Variants in SPATA17 observed in about 807,000 individuals in gnomAD.
The protein encoded by SPATA17 is spermatogenesis associated 17.
In SPATA17, 53 loss-of-function variants were observed where a neutral mutation model predicts 62.2. The ratio of observed to expected loss-of-function variants is 0.85; its 90% confidence interval spans 0.68 to 1.07. The LOEUF (loss-of-function observed/expected upper bound fraction) is 1.07, where lower values mean the gene tolerates loss of function less well. Among genes scored for constraint, SPATA17 ranks in the 50% least tolerant of loss-of-function variants. SPATA17 has a pLI of 0.00. For synonymous variants in SPATA17, 146 were observed against 146.8 expected, an observed-to-expected ratio of 0.99 and a Z score of 0.04; for missense variants, 466 against 425.5, an observed-to-expected ratio of 1.10 and a Z score of -0.84.
chr1:217,720,186 T>C (rs1265194874), intron 5 of SPATA17, among the ~76,000 whole-genome samples: 1 of 152,154 alleles, frequency 6.6e-6, no homozygotes, highest in African/African-American at 2.4e-5. Flanking sequence ...AAAGGTAAAA[T>C]GTTACAGATC....
At chr1:217,807,896 A>T in intron 9 of SPATA17, among the ~76,000 whole-genome samples, 1 of 152,162 alleles carries the variant, frequency 6.6e-6, no homozygotes, top group East Asian at 1.9e-4. Context: ...TCCCTCATAC[A>T]TTCTTAGTTG....
chr1:217,685,125 G>T (rs1671189095), intron 5 of SPATA17, among the ~76,000 whole-genome samples: 1 of 152,138 alleles, frequency 6.6e-6, no homozygotes, highest in Non-Finnish European at 1.5e-5. Flanking sequence ...AGAAATACGT[G>T]CAGGGCTGGA....
intron 1 of SPATA17, among the ~76,000 whole-genome samples, chr1:217,640,006 C>T (rs1205599786): frequency 6.6e-6 from 1 of 151,504 alleles, no homozygotes; most frequent in East Asian, 1.9e-4. Flanking sequence ...CTTTAGCAAT[C>T]TGAGTTGTTC....
intron 4 of SPATA17, among the ~76,000 whole-genome samples, chr1:217,681,919 C>T (rs1309636094): frequency 7.3e-5 from 11 of 151,520 alleles, no homozygotes; most frequent in Middle Eastern, 3.2e-3. Context: ...CTCCATATTT[C>T]CCTTTCCTAT....
chr1:217,722,558 C>CT (rs1302841250), intron 5 of SPATA17, among the ~76,000 whole-genome samples: 7 of 152,080 alleles, frequency 4.6e-5, no homozygotes, highest in African/African-American at 1.7e-4. Context: ...AGAGAATAAC[C>CT]TTTAATATGT....
intron 6 of SPATA17, among the ~76,000 whole-genome samples, chr1:217,752,831 C>T (rs1026817302): frequency 2.0e-5 from 3 of 152,174 alleles, no homozygotes; most frequent in African/African-American, 7.2e-5. Context: ...AATGAAGCCC[C>T]TGGCCCTGCT....
At position 217,862,861 on chromosome 1, in the gene SPATA17, G is replaced by T. The variant is rs1298635420; in HGVS notation, c.*2+5G>T. 1.3e-6 allele frequency: 2 copies of T among 1,564,684 alleles called. No homozygotes were observed. The highest frequency in any genetic ancestry group is 1.2e-5 in the South Asian group (1 of 83,884). Reference sequence around the variant, plus strand: ...AGCTGGACAGATTGTATAAAGGTATGACTTTTTGCTAAGAAGTAATTCAAA... The same window carrying T: ...AGCTGGACAGATTGTATAAAGGTATTACTTTTTGCTAAGAAGTAATTCAAA... On this transcript the variant is annotated splice_donor_5th_base_variant and intron_variant, in intron 10 of 10. Coordinates refer to ENST00000366933, the MANE Select transcript of SPATA17 (RefSeq NM_138796.4).
chr1:217,652,530 G>T (rs143482143), intron 3 of SPATA17, among the ~76,000 whole-genome samples: 7 of 151,926 alleles, frequency 4.6e-5, no homozygotes, highest in African/African-American at 1.7e-4. Flanking sequence ...CACCACGCCC[G>T]GCCAAACTTT....
intron 9 of SPATA17, among the ~76,000 whole-genome samples, chr1:217,831,138 A>C (rs1479128785): frequency 6.6e-6 from 1 of 152,110 alleles, no homozygotes; most frequent in Non-Finnish European, 1.5e-5. Flanking sequence ...ATGATGATCT[A>C]GGGCTTTGAA....
chr1:217,704,354 CA>C (rs1052833078), intron 5 of SPATA17, among the ~76,000 whole-genome samples: 1 of 148,170 alleles, frequency 6.7e-6, no homozygotes, highest in African/African-American at 2.5e-5. Context: ...GGGTTCACGC[CA>C]TTCTCCTGCC....
chr1:217,749,983 C>CTA lies in SPATA17; in HGVS notation c.519+7886_519+7887insAT, dbSNP rs1387385689. ...TCTCTCTCTCTCTCTCTCTCTCTCT[C>CTA]TCTATATATATATATATATATATAT... On this transcript the variant is annotated intron_variant, in intron 6 of 10. Coordinates refer to ENST00000366933, the MANE Select transcript of SPATA17 (RefSeq NM_138796.4). Among the ~76,000 whole-genome samples, 153 of 24,038 alleles carry CTA rather than the reference C, an allele frequency of 6.4e-3. 2 individuals are homozygous for CTA. Among genetic ancestry groups the CTA allele is most frequent in the Non-Finnish European group, 8.3e-3 (101 of 12,104 alleles). The allele number at this position is 24,038 out of a possible 152,430, so 15.8% of individuals were successfully genotyped here. A position where few individuals can be genotyped will look rare whatever the true frequency, so the allele number is the denominator to read the frequency against.
intron 3 of SPATA17, among the ~76,000 whole-genome samples, chr1:217,667,000 T>C (rs1670710035): frequency 6.6e-6 from 1 of 151,758 alleles, no homozygotes; most frequent in Admixed American, 6.6e-5. Flanking sequence ...TGTTAGTTCA[T>C]AATAAAATTG....
intron 1 of SPATA17, among the ~76,000 whole-genome samples, chr1:217,642,543 A>G (rs1670088183): frequency 1.3e-5 from 2 of 152,214 alleles, no homozygotes; most frequent in Admixed American, 6.5e-5. Flanking sequence ...TGTCCCCACC[A>G]GATCTCATCT....
At chr1:217,757,153 G>T (rs188116269) in intron 6 of SPATA17, among the ~76,000 whole-genome samples, 300 of 152,248 alleles carry the variant, frequency 2.0e-3, no homozygotes, top group Non-Finnish European at 3.5e-3. Context: ...TAATCAGGGT[G>T]GAAACTTGGC....
At chr1:217,816,139 A>G (rs1166598523) in intron 9 of SPATA17, among the ~76,000 whole-genome samples, 1 of 152,090 alleles carries the variant, frequency 6.6e-6, no homozygotes. Flanking sequence ...GAAAAAATTT[A>G]TAGATTAATA....
chr1:217,690,376 G>T, intron 5 of SPATA17, among the ~76,000 whole-genome samples: 1 of 150,938 alleles, frequency 6.6e-6, no homozygotes, highest in African/African-American at 2.4e-5. Context: ...TCTTTCTTTT[G>T]CCAATCCATA....
intron 6 of SPATA17, among the ~76,000 whole-genome samples, chr1:217,747,223 GTAAC>G (rs1672780896): frequency 6.6e-6 from 1 of 152,014 alleles, no homozygotes; most frequent in South Asian, 2.1e-4. Flanking sequence ...TTTTGATTCA[GTAAC>G]TAGTCAAACT....
intron 9 of SPATA17, among the ~76,000 whole-genome samples, chr1:217,851,015 C>T (rs1384831762): frequency 6.6e-6 from 1 of 152,096 alleles, no homozygotes; most frequent in Admixed American, 6.6e-5. Context: ...TTACTTGAGA[C>T]TTAATGTTTG....
intron 9 of SPATA17, among the ~76,000 whole-genome samples, chr1:217,808,779 T>A (rs7516615): frequency 2.6e-5 from 4 of 151,564 alleles, no homozygotes; most frequent in Admixed American, 6.6e-5. Context: ...CGCTTGAACC[T>A]GGGAAGCAGA....
Sources: allele counts gnomAD v4.1 joint callset (sites outside exome capture counted in the v4.1 genomes callset), GRCh38; gene constraint gnomAD v4.1.1; transcripts MANE v1.5; gene names NCBI Gene and HGNC (gene_info 2026-07-23, HGNC 2026-07-21).